Variants in S100A14 observed in about 807,000 individuals in gnomAD.
S100A14 encodes the protein protein S100-A14.
A neutral mutation model predicts 10.6 loss-of-function variants in S100A14; 6 were observed. That is an observed-to-expected ratio of 0.57 (90% CI 0.31 to 1.12). The LOEUF is 1.12. Ranked by LOEUF, S100A14 falls within the 50% of genes most tolerant of loss-of-function variation. The probability of loss-of-function intolerance (pLI) is 0.06; values close to 1 mark genes in which losing one functional copy is unlikely to be tolerated. For synonymous variants in S100A14, 51 were observed against 51.0 expected (o/e 1.00, Z 0.00); for missense variants, 121 against 128.7 (o/e 0.94, Z 0.29).
At chr1:153,615,162 T>C (rs1471558279) in intron 3 of S100A14, 73 bp downstream of exon 3, 2 of 1,593,926 alleles carry the variant, frequency 1.3e-6, no homozygotes, top group Non-Finnish European at 1.7e-6. Flanking sequence ...CAAGTGCCAG[T>C]GTGGGTGGGG....
Position 153,615,884 on chromosome 1 carries a change from G to T in S100A14, c.-26C>A. ...GGTGCCCACTGTGTCTGGTCCTTTG[G>T]TGAGAGTTCTGTTGTCCTATAGCTG... On this transcript the variant is annotated 5_prime_UTR_variant, in exon 2 of 4. Coordinates refer to ENST00000344616, the MANE Select transcript of S100A14 (RefSeq NM_020672.3). 6.2e-7 allele frequency: 1 copy of T among 1,613,504 alleles called. No individual in the cohort carries two copies. Among genetic ancestry groups the T allele is most frequent in the Non-Finnish European group, 8.5e-7 (1 of 1,179,482 alleles).
At chr1:153,615,173 T>C (rs1666934051) in intron 3 of S100A14, 62 bp downstream of exon 3, 1 of 1,601,078 alleles carries the variant, frequency 6.2e-7, no homozygotes, top group Admixed American at 1.7e-5. Flanking sequence ...GTGGGTGGGG[T>C]CCCGGAGCAC....
rs2101520280 is a variant in S100A14 at position 153,614,347 on chromosome 1, A to G, written c.*538T>C. Reference sequence around the variant, plus strand: ...AGCACCCAGCTGGTCCTCTCCCCACATGTCACACTCTCCTCAGCCTCTCCC... The same window carrying G: ...AGCACCCAGCTGGTCCTCTCCCCACGTGTCACACTCTCCTCAGCCTCTCCC... On this transcript the variant is annotated 3_prime_UTR_variant, in exon 4 of 4. Coordinates refer to ENST00000344616, the MANE Select transcript of S100A14 (RefSeq NM_020672.3). The G allele has an allele frequency of 6.5e-6, 1 of 152,752 alleles. No individual in the cohort carries two copies. Among genetic ancestry groups the G allele is most frequent in the Middle Eastern group, 3.3e-3 (1 of 300 alleles). 9.5% of individuals were successfully genotyped at this position (152,752 alleles called of 1,614,324 possible). A position where few individuals can be genotyped will look rare whatever the true frequency, so the allele number is the denominator to read the frequency against.
rs776870882 is a variant in S100A14, at chr1:153,614,983, T to C, written c.217A>G (p.Ser73Gly). 6.2e-7 allele frequency: 1 copy of C among 1,614,038 alleles called. No individual in the cohort carries two copies. The highest frequency in any genetic ancestry group is 8.5e-7 in the Non-Finnish European group (1 of 1,180,008). The stretch of plus-strand genomic sequence containing the variant: ...AACTCCAGTTTAGAGTCATTGCAGC[T>C]GCCCAGGTTGGCAATTTTCTCTTCC... ...GLEEKIANLGSCNDSKLEFRS... is the reference protein window; with the variant it reads ...GLEEKIANLGGCNDSKLEFRS... The change falls in exon 4 of 4, where the codon AGC becomes GGC. Residue 73 changes from serine (S) to glycine (G), a missense_variant. Transcript: ENST00000344616.
intron 2 of S100A14, 85 bp downstream of exon 2, chr1:153,615,744 G>A: frequency 2.8e-6 from 4 of 1,446,322 alleles, no homozygotes; most frequent in Non-Finnish European, 3.9e-6. Flanking sequence ...CCAAGGTGAA[G>A]GGCAGAAGTC....
Position 153,615,122 on chromosome 1 carries a change from G to C in S100A14, c.178-100C>G, listed in dbSNP as rs80246723. On this transcript the variant is annotated intron_variant, in intron 3 of 3. Transcript: ENST00000344616. ...AGACAGCAGGAGCAGAGGCTACCTA[G>C]CACTGGCAAGGGGGAAGAGCTGGGG... 52 of 1,583,208 alleles carry C rather than the reference G, an allele frequency of 3.3e-5. No individual in the cohort carries two copies. In the Admixed American group the frequency reaches 8.9e-4, roughly 27 times the overall value.
chr1:153,614,864 CA>C lies in S100A14; in HGVS notation c.*20del. 1.2e-6 allele frequency: 2 copies of C among 1,610,930 alleles called. No individual in the cohort carries two copies. Among genetic ancestry groups the C allele is most frequent in the Non-Finnish European group, 8.5e-7 (1 of 1,178,602 alleles). On this transcript the variant is annotated 3_prime_UTR_variant, in exon 4 of 4. Coordinates refer to ENST00000344616, the MANE Select transcript of S100A14 (RefSeq NM_020672.3). ...CCCACAGTCTCTCCCCAACACCCCC[CA>C]AGAATTCCAGAGGGAGTTCTCAGTG...
chr1:153,614,928 G>C lies in S100A14; in HGVS notation c.272C>G (p.Ala91Gly), dbSNP rs769311977. ...CCTCTCCAGCTTCACACTCTTGGCCGCTTCTCCAATCAGCTCCCAGAAACT... is the reference window on the plus strand; with the variant it reads ...CCTCTCCAGCTTCACACTCTTGGCCCCTTCTCCAATCAGCTCCCAGAAACT... Reference protein sequence around the residue: ...FRSFWELIGEAAKSVKLERPV... With the variant: ...FRSFWELIGEGAKSVKLERPV... Residue 91 changes from alanine (A) to glycine (G), a missense_variant, in exon 4 of 4, where the codon GCG (alanine) becomes GGG (glycine). Coordinates refer to ENST00000344616, the MANE Select transcript of S100A14 (RefSeq NM_020672.3). The C allele has an allele frequency of 1.3e-4, 210 of 1,613,844 alleles. No homozygotes were observed. Among genetic ancestry groups the C allele is most frequent in the Non-Finnish European group, 1.7e-4 (205 of 1,179,986 alleles).
At position 153,614,999 on chromosome 1, in the gene S100A14, T is replaced by C; in HGVS notation, c.201A>G (p.Lys67=). Residue 67 remains lysine (K), a synonymous_variant, in exon 4 of 4, where the codon AAA becomes AAG. Coordinates refer to ENST00000344616, the MANE Select transcript of S100A14 (RefSeq NM_020672.3). ...CATTGCAGCTGCCCAGGTTGGCAAT[T>C]TTCTCTTCCAGGCCACAGTTGCTCT... is the stretch of plus-strand genomic sequence containing the variant. ...LMPSNCGLEE[K]IANLGSCNDS... 1 of 1,613,946 alleles carries C rather than the reference T, an allele frequency of 6.2e-7. No individual in the cohort carries two copies. The highest frequency in any genetic ancestry group is 8.5e-7 in the Non-Finnish European group (1 of 1,179,982).
Position 153,614,475 on chromosome 1 carries a change from A to C in S100A14, c.*410T>G. The stretch of plus-strand genomic sequence containing the variant: ...GGAAGAGAGCACTGGACAGACAGCT[A>C]TGGTTTGGATTGGGGAAGAGATTAG... On this transcript the variant is annotated 3_prime_UTR_variant, in exon 4 of 4. Coordinates refer to ENST00000344616, the MANE Select transcript of S100A14 (RefSeq NM_020672.3). The C allele has an allele frequency of 5.9e-6, 1 of 168,520 alleles. No individual in the cohort carries two copies. The highest frequency in any genetic ancestry group is 1.3e-5 in the Non-Finnish European group (1 of 77,138). The allele number at this position is 168,520 out of a possible 1,614,324, so 10.4% of individuals were successfully genotyped here.
chr1:153,615,690 GA>G, intron 2 of S100A14, 138 bp downstream of exon 2: 1 of 863,630 alleles, frequency 1.2e-6, no homozygotes, highest in Non-Finnish European at 1.9e-6. Context: ...GGCCTCAGAA[GA>G]GGGTTCACAT....
chr1:153,616,032 C>T (rs1482196773), intron 1 of S100A14, 96 bp from the exon 2 acceptor site: 13 of 623,106 alleles, frequency 2.1e-5, no homozygotes, highest in Non-Finnish European at 3.4e-5. Context: ...TTCTGTGCCT[C>T]ACCAGGGGTT....
At chr1:153,616,218 T>TC in intron 1 of S100A14, 77 bp downstream of exon 1, 1 of 229,724 alleles carries the variant, frequency 4.4e-6, no homozygotes, top group South Asian at 9.1e-5. Flanking sequence ...CAGGATCTGA[T>TC]CCCCCAGCTC....
intron 2 of S100A14, among the ~76,000 whole-genome samples, 169 bp from the exon 3 acceptor site, chr1:153,615,550 C>T (rs1666944481): frequency 2.0e-5 from 3 of 152,034 alleles, no homozygotes; most frequent in African/African-American, 7.2e-5. Flanking sequence ...CCTGCTCGGC[C>T]TCCAGGCCAC....
In S100A14 at chr1:153,614,937, A is replaced by G. The variant is rs142669194; in HGVS notation, c.263T>C (p.Ile88Thr). The change falls in exon 4 of 4, where the codon ATT becomes ACT. Residue 88 changes from isoleucine (I) to threonine (T), a missense_variant. Ile to Thr is a moderately conservative substitution (Grantham distance 89, BLOSUM62 -1). Coordinates refer to ENST00000344616, the MANE Select transcript of S100A14 (RefSeq NM_020672.3). ...CTTCACACTCTTGGCCGCTTCTCCAATCAGCTCCCAGAAACTCCTGAACTC... is the reference window on the plus strand; with the variant it reads ...CTTCACACTCTTGGCCGCTTCTCCAGTCAGCTCCCAGAAACTCCTGAACTC... ...KLEFRSFWEL[I>T]GEAAKSVKLE... is the part of the protein sequence containing the mutation. 416 of 1,613,936 alleles carry G rather than the reference A, an allele frequency of 2.6e-4. No homozygotes were observed. The highest frequency in any genetic ancestry group is 3.0e-4 in the Non-Finnish European group (358 of 1,179,976).
At position 153,615,252 on chromosome 1, in the gene S100A14, G is replaced by A. The variant is rs372036326; in HGVS notation, c.160C>T (p.Leu54=). The change falls in exon 3 of 4, where the codon CTG becomes TTG. Residue 54 remains leucine, a synonymous_variant. Coordinates refer to ENST00000344616, the MANE Select transcript of S100A14 (RefSeq NM_020672.3). The stretch of plus-strand genomic sequence containing the variant: ...GTCCATACCGGCATGAGATGGGGCA[G>A]CTGCTGGGTGACCAGGTCCCGTAGC... The part of the protein sequence containing the change: ...SELRDLVTQQ[L]PHLMPSNCGL... The A allele has an allele frequency of 1.6e-4, 254 of 1,613,820 alleles. No individual in the cohort carries two copies. The highest frequency in any genetic ancestry group is 2.1e-4 in the Non-Finnish European group (244 of 1,180,000).
intron 3 of S100A14, 32 bp from the exon 4 acceptor site, chr1:153,615,054 A>AT: frequency 1.2e-6 from 2 of 1,609,832 alleles, no homozygotes; most frequent in South Asian, 1.1e-5. Flanking sequence ...TGGCTCAGGG[A>AT]TGCAGCACCT....
chr1:153,615,084 C>T, intron 3 of S100A14, 62 bp from the exon 4 acceptor site: 1 of 1,596,292 alleles, frequency 6.3e-7, no homozygotes, highest in Non-Finnish European at 8.5e-7. Context: ...CCCACCCCAC[C>T]CTGCCCACGG....
Position 153,615,391 on chromosome 1 carries a change from G to A in S100A14, c.31-10C>T. 1 of 1,612,560 alleles carries A rather than the reference G, an allele frequency of 6.2e-7. No homozygotes were observed. The highest frequency in any genetic ancestry group is 8.5e-7 in the Non-Finnish European group (1 of 1,179,354). ...TGAATTCCTGAGCATCCTGAGGGCA[G>A]GGGACATCACAAACATCAGTGAAGC... On this transcript the variant is annotated splice_polypyrimidine_tract_variant and intron_variant, in intron 2 of 3. Coordinates refer to ENST00000344616, the MANE Select transcript of S100A14 (RefSeq NM_020672.3).
Sources: gnomAD v4.1 joint callset for allele counts (sites outside exome capture counted in the v4.1 genomes callset) on GRCh38, gnomAD v4.1.1 for gene constraint, MANE v1.5 for transcripts, NCBI Gene and HGNC (gene_info 2026-07-23, HGNC 2026-07-21) for gene names.